OPA3: variants seen among roughly 807,000 people sequenced by gnomAD.
OPA3 encodes outer mitochondrial membrane lipid metabolism regulator OPA3, also known as optic atrophy 3 protein.
In OPA3, 6 loss-of-function variants were observed where a neutral mutation model predicts 4.0. The observed-to-expected ratio is 1.51, with a 90% CI of 0.83 to 2.99. The LOEUF (loss-of-function observed/expected upper bound fraction) is 2.99, where lower values mean the gene tolerates loss of function less well. OPA3 is among the 30% of genes most tolerant of loss of function. OPA3 has a pLI of 0.00. For synonymous variants in OPA3, 105 were observed against 117.1 expected (o/e 0.90, Z 0.67); for missense variants, 235 against 256.2 (o/e 0.92, Z 0.56).
chr19:45,571,176 C>T (rs1385811383), intron 1 of OPA3, among the ~76,000 whole-genome samples: 4 of 151,948 alleles, frequency 2.6e-5, no homozygotes, highest in African/African-American at 7.3e-5. Flanking sequence ...CAGGGTCTTG[C>T]TCTGTCGCCC....
chr19:45,567,656 A>G (rs776799390), intron 1 of OPA3, among the ~76,000 whole-genome samples: 6 of 152,190 alleles, frequency 3.9e-5, no homozygotes, highest in Non-Finnish European at 8.8e-5. Flanking sequence ...TACAGATACT[A>G]TATCTCAACA....
rs139260750 is a variant in OPA3, at chr19:45,539,722, C to G, written c.143-10266G>C. On this transcript the variant is annotated intron_variant, in intron 1 of 1. Transcript: ENST00000323060. The stretch of plus-strand genomic sequence containing the variant: ...TGAGCAGACAGCGCGTCACTGCACT[C>G]CAGCCTGGGCGACAGAGCCAGACCT... Among the ~76,000 whole-genome samples, 1,085 of 151,626 alleles carry G rather than the reference C, an allele frequency of 7.2e-3. 9 individuals carry two copies. Among genetic ancestry groups the G allele is most frequent in the African/African-American group, 0.024 (980 of 41,322 alleles).
At chr19:45,561,516 G>T (rs565237982) in intron 1 of OPA3, among the ~76,000 whole-genome samples, 78 of 152,244 alleles carry the variant, frequency 5.1e-4, no homozygotes, top group South Asian at 2.9e-3. Context: ...ATGGCAAGAC[G>T]GCCATGACGA....
intron 1 of OPA3, among the ~76,000 whole-genome samples, chr19:45,581,852 G>A (rs1176815041): frequency 1.3e-5 from 2 of 152,184 alleles, no homozygotes; most frequent in African/African-American, 2.4e-5. Context: ...AGACTGGAGG[G>A]CAGTGGTGCA....
intron 1 of OPA3, among the ~76,000 whole-genome samples, chr19:45,531,863 C>T (rs542814206): frequency 2.0e-4 from 31 of 152,278 alleles, no homozygotes; most frequent in African/African-American, 7.0e-4. Context: ...ATCCAAATCC[C>T]GTTTCTCTCT....
intron 1 of OPA3, among the ~76,000 whole-genome samples, chr19:45,582,470 T>G (rs1236217584): frequency 6.6e-6 from 1 of 151,904 alleles, no homozygotes; most frequent in African/African-American, 2.4e-5. Flanking sequence ...GGAGCAGAGT[T>G]TTTTTGTTTT....
intron 1 of OPA3, among the ~76,000 whole-genome samples, chr19:45,538,239 T>TA (rs749978568): frequency 3.4e-5 from 5 of 144,956 alleles, no homozygotes; most frequent in Non-Finnish European, 7.5e-5. Context: ...GAGGGCAACA[T>TA]AGTGAAACCC....
rs769541845 is a variant in OPA3 at position 45,553,830 on chromosome 19, G to A, written c.224C>T (p.Ala75Val). 1.2e-6 allele frequency: 2 copies of A among 1,612,950 alleles called. No homozygotes were observed. Among genetic ancestry groups the A allele is most frequent in the Admixed American group, 1.7e-5 (1 of 59,952 alleles). ...GTVIKPLNEE[A>V]AAELGAELLG... ...CAGCTCTGCGCCCAGCTCAGCTGCC[G>A]CCTCCTCGTTCAGCGGCTTGATGAC... Residue 75 changes from alanine to valine, a missense_variant, in exon 2 of 2, where the codon GCG becomes GTG. Ala to Val is a moderately conservative substitution (Grantham distance 64). Coordinates refer to ENST00000263275, the MANE Select transcript of OPA3 (RefSeq NM_025136.4).
At chr19:45,574,891 C>T (rs998428315) in intron 1 of OPA3, among the ~76,000 whole-genome samples, 19 of 152,136 alleles carry the variant, frequency 1.2e-4, no homozygotes, top group Non-Finnish European at 1.8e-4. Flanking sequence ...AGCTACCCTG[C>T]AGGAAAGACC....
rs1969250115 is a variant in OPA3 at position 45,546,460 on chromosome 19, A to G, written c.*7054T>C. ...TTTAAAATACATAGAATTGTAAATT[A>G]TTGTATAAATATGCACACGATGGAT... On this transcript the variant is annotated 3_prime_UTR_variant, in exon 2 of 2. Coordinates refer to ENST00000263275, the MANE Select transcript of OPA3 (RefSeq NM_025136.4). 2.9e-5 allele frequency: 17 copies of G among 590,114 alleles called. No individual in the cohort carries two copies. Among genetic ancestry groups the G allele is most frequent in the Non-Finnish European group, 3.4e-5 (16 of 469,834 alleles). The allele number at this position is 590,114 out of a possible 1,614,324, so 36.6% of individuals were successfully genotyped here.
chr19:45,577,918 G>C (rs568647783), intron 1 of OPA3, among the ~76,000 whole-genome samples: 1 of 152,344 alleles, frequency 6.6e-6, no homozygotes, highest in Admixed American at 6.5e-5. Flanking sequence ...CTAGAGCAGG[G>C]TCAGAAAACT....
At chr19:45,577,272 C>T (rs543834550) in intron 1 of OPA3, among the ~76,000 whole-genome samples, 32 of 152,322 alleles carry the variant, frequency 2.1e-4, no homozygotes, top group Admixed American at 1.8e-3. Flanking sequence ...GACAGCTGGG[C>T]GCAGCCTGCT....
At chr19:45,572,644 C>T (rs972236140) in intron 1 of OPA3, among the ~76,000 whole-genome samples, 5 of 120,448 alleles carry the variant, frequency 4.2e-5, no homozygotes, top group African/African-American at 1.5e-4. Flanking sequence ...ATATATATAT[C>T]GATATATATC....
chr19:45,570,970 A>C (rs1969654428), intron 1 of OPA3, among the ~76,000 whole-genome samples: 1 of 66,906 alleles, frequency 1.5e-5, no homozygotes, highest in Non-Finnish European at 2.9e-5. Context: ...GGTGACAGCA[A>C]AACTATTTGG....
At chr19:45,545,234 A>G (rs1433714324), downstream of OPA3, among the ~76,000 whole-genome samples, 1 of 151,810 alleles carries the variant, frequency 6.6e-6, no homozygotes, top group Non-Finnish European at 1.5e-5. Context: ...CTACTTCAAA[A>G]CAGAGAAAAA....
At chr19:45,570,986 G>GGT in intron 1 of OPA3, among the ~76,000 whole-genome samples, 1 of 129,308 alleles carries the variant, frequency 7.7e-6, no homozygotes, top group Non-Finnish European at 1.7e-5. Context: ...TTTGGGGGGG[G>GGT]GGGGCATGAA....
At position 45,530,927 on chromosome 19, in the gene OPA3, C is replaced by CTTTTTTTTTTTTTTT. The variant is rs71173176; in HGVS notation, c.143-1486_143-1472dup. On this transcript the variant is annotated intron_variant, in intron 1 of 1. Transcript: ENST00000323060. ...ATGGCGTGTGCCACCATGTCACCTACTTTTTTTTTTTTTTTTTTTTTTTTT... is the reference window on the plus strand; with the variant it reads ...ATGGCGTGTGCCACCATGTCACCTACTTTTTTTTTTTTTTTTTTTTTTTTTTTTTTTTTTTTTTTT... Among the ~76,000 whole-genome samples the CTTTTTTTTTTTTTTT allele has an allele frequency of 5.4e-4, 19 of 35,448 alleles. 6 individuals carry two copies. Among genetic ancestry groups the CTTTTTTTTTTTTTTT allele is most frequent in the South Asian group, 1.3e-3 (1 of 774 alleles). 23.3% of individuals were successfully genotyped at this position (35,448 alleles called of 152,430 possible). A position where few individuals can be genotyped will look rare whatever the true frequency, so the allele number is the denominator to read the frequency against.
At chr19:45,536,238 A>T (rs989325568) in intron 1 of OPA3, among the ~76,000 whole-genome samples, 3 of 150,158 alleles carry the variant, frequency 2.0e-5, no homozygotes, top group Admixed American at 6.7e-5. Flanking sequence ...AAAAAAAAAA[A>T]AAAAAATTAA....
At chr19:45,537,750 A>G (rs1969138754) in intron 1 of OPA3, among the ~76,000 whole-genome samples, 1 of 152,048 alleles carries the variant, frequency 6.6e-6, no homozygotes, top group Non-Finnish European at 1.5e-5. Context: ...CTCCTGCCTC[A>G]GCCTCCCGAG....
Sources: allele counts gnomAD v4.1 joint callset (sites outside exome capture counted in the v4.1 genomes callset), GRCh38; gene constraint gnomAD v4.1.1; transcripts MANE v1.5; gene names NCBI Gene and HGNC (gene_info 2026-07-23, HGNC 2026-07-21).